Variants in CNTN5 observed in about 807,000 individuals in gnomAD.
CNTN5 encodes contactin-5.
Under a neutral mutation model 129.1 loss-of-function variants are expected in CNTN5, and 77 were observed. The observed-to-expected ratio is 0.60, with a 90% confidence interval of 0.50 to 0.72. The LOEUF is 0.72. CNTN5 is among the 30% of genes least tolerant of loss of function. CNTN5 has a pLI of 0.00. For missense variants in CNTN5, 1,478 were observed against 1,328.8 expected (o/e 1.11, Z -1.75); for synonymous variants, 509 against 465.6 (o/e 1.09, Z -1.20).
chr11:99,528,789 C>T lies in CNTN5; in HGVS notation c.-70-27356C>T, dbSNP rs182550963. On this transcript the variant is annotated intron_variant, in intron 2 of 24. Coordinates refer to ENST00000524871, the MANE Select transcript of CNTN5 (RefSeq NM_014361.4). The stretch of plus-strand genomic sequence containing the variant: ...CCAGGTGCCTATGGCTCAGGCCGGG[C>T]GTAGTGGCTCATGCCTGTAATCCCA... Among the ~76,000 whole-genome samples the T allele has an allele frequency of 5.6e-3, 858 of 152,140 alleles. 43 individuals are homozygous for T. Among genetic ancestry groups the T allele is most frequent in the Admixed American group, 0.054 (829 of 15,282 alleles).
In CNTN5 at chr11:99,167,259, C is replaced by T. The variant is rs946817687; in HGVS notation, c.-210+145989C>T. The stretch of plus-strand genomic sequence containing the variant: ...TTTGTTAGACTTGATAAAATTCCTA[C>T]AAACTGACTCATAATTTAGTGTTAA... On this transcript the variant is annotated intron_variant, in intron 1 of 24. Coordinates refer to ENST00000524871, the MANE Select transcript of CNTN5 (RefSeq NM_014361.4). 2.0e-5 allele frequency among the ~76,000 whole-genome samples: 3 copies of T among 152,004 alleles called. 1 individual carries two copies. The highest frequency in any genetic ancestry group is 4.8e-5 in the African/African-American group (2 of 41,412).
chr11:99,320,459 C>T (rs528129250), intron 1 of CNTN5, among the ~76,000 whole-genome samples: 4 of 152,030 alleles, frequency 2.6e-5, no homozygotes, highest in African/African-American at 9.7e-5. Flanking sequence ...AAAAAAGAGA[C>T]ATAAATTTGG....
At chr11:99,355,157 T>C (rs970334912) in intron 2 of CNTN5, among the ~76,000 whole-genome samples, 20 of 152,192 alleles carry the variant, frequency 1.3e-4, no homozygotes, top group African/African-American at 4.8e-4. Flanking sequence ...TACTTTCCAT[T>C]GATTGTAACA....
At chr11:99,763,599 G>A (rs1425699920) in intron 3 of CNTN5, among the ~76,000 whole-genome samples, 1 of 152,042 alleles carries the variant, frequency 6.6e-6, no homozygotes, top group East Asian at 1.9e-4. Context: ...TTAAATGCGT[G>A]TAGTCAAAAA....
chr11:99,836,197 G>C (rs939874421), intron 4 of CNTN5, among the ~76,000 whole-genome samples: 7 of 150,298 alleles, frequency 4.7e-5, no homozygotes, highest in African/African-American at 1.7e-4. Flanking sequence ...GCAACGTGCA[G>C]GTTTGTTACA....
chr11:99,599,557 C>T (rs1248682859), intron 3 of CNTN5, among the ~76,000 whole-genome samples: 1 of 152,068 alleles, frequency 6.6e-6, no homozygotes. Context: ...GATGTTATTA[C>T]ATTATGTATT....
intron 1 of CNTN5, among the ~76,000 whole-genome samples, chr11:99,198,426 A>G (rs984806195): frequency 5.9e-5 from 9 of 152,152 alleles, no homozygotes; most frequent in African/African-American, 2.2e-4. Context: ...GTTGCAGGCA[A>G]GTTAGATGGG....
rs369815114 is a variant in CNTN5, at chr11:99,685,564, ATCT to A, written c.55+129300_55+129302del. Among the ~76,000 whole-genome samples the A allele has an allele frequency of 1.8e-4, 28 of 151,940 alleles. No homozygotes were observed. In the South Asian group the frequency reaches 5.6e-3, roughly 30 times the overall value. On this transcript the variant is annotated intron_variant, in intron 3 of 24. Transcript: ENST00000524871. ...ATAAACACTAATTTAAAATTATTTTATCTTCTTGTTTAACAGTTGTCTAATAAA... is the reference window on the plus strand; with the variant it reads ...ATAAACACTAATTTAAAATTATTTTATCTTGTTTAACAGTTGTCTAATAAA...
chr11:99,160,270 C>T (rs189800688), intron 1 of CNTN5, among the ~76,000 whole-genome samples: 12 of 152,232 alleles, frequency 7.9e-5, no homozygotes, highest in Non-Finnish European at 1.5e-4. Flanking sequence ...ATATAGTTAG[C>T]TCATTGCTTA....
chr11:99,447,184 A>C (rs887984753), intron 2 of CNTN5, among the ~76,000 whole-genome samples: 2 of 152,196 alleles, frequency 1.3e-5, no homozygotes, highest in African/African-American at 4.8e-5. Context: ...AAAAAGTGAT[A>C]ATTATATCTA....
intron 1 of CNTN5, among the ~76,000 whole-genome samples, chr11:99,062,170 G>A (rs945950461): frequency 1.3e-5 from 2 of 152,112 alleles, no homozygotes; most frequent in Non-Finnish European, 2.9e-5. Context: ...ATGAGACCAT[G>A]AACCAGATTC....
chr11:99,647,550 A>C (rs139124992), intron 3 of CNTN5, among the ~76,000 whole-genome samples: 1 of 151,412 alleles, frequency 6.6e-6, no homozygotes, highest in African/African-American at 2.4e-5. Context: ...ACAAACGTTA[A>C]TTTTTTTCTA....
At chr11:99,181,822 C>T (rs928896082) in intron 1 of CNTN5, among the ~76,000 whole-genome samples, 10 of 152,158 alleles carry the variant, frequency 6.6e-5, no homozygotes, top group Non-Finnish European at 8.8e-5. Flanking sequence ...CTGAATTCTC[C>T]GGTTCTGTAT....
intron 3 of CNTN5, among the ~76,000 whole-genome samples, chr11:99,582,657 C>G (rs1042874090): frequency 6.6e-6 from 1 of 152,332 alleles, no homozygotes; most frequent in South Asian, 2.1e-4. Context: ...AGTTCTCATG[C>G]CATGCTTTTC....
chr11:99,643,049 A>G (rs1167075926), intron 3 of CNTN5, among the ~76,000 whole-genome samples: 1 of 152,204 alleles, frequency 6.6e-6, no homozygotes, highest in African/African-American at 2.4e-5. Flanking sequence ...TGAATAGTAC[A>G]GCAATAACAC....
rs34435537 is a variant in CNTN5, at chr11:99,665,478, A to ATTTT, written c.55+109231_55+109234dup. Among the ~76,000 whole-genome samples, 16 of 65,948 alleles carry ATTTT rather than the reference A, an allele frequency of 2.4e-4. 1 individual carries two copies. The highest frequency in any genetic ancestry group is 1.4e-3 in the East Asian group (3 of 2,172). The allele number at this position is 65,948 out of a possible 152,430, so 43.3% of individuals were successfully genotyped here. On this transcript the variant is annotated intron_variant, in intron 3 of 24. Transcript: ENST00000524871. ...TTATTACGGGAGCATTGAAACTACAATTTTTTTTTTTTTTTTTTTTTTTTT... is the reference window on the plus strand; with the variant it reads ...TTATTACGGGAGCATTGAAACTACAATTTTTTTTTTTTTTTTTTTTTTTTTTTTT...
intron 3 of CNTN5, among the ~76,000 whole-genome samples, chr11:99,814,657 T>G (rs1281103172): frequency 1.3e-5 from 2 of 152,104 alleles, no homozygotes; most frequent in African/African-American, 2.4e-5. Flanking sequence ...TTATGAACTT[T>G]AACCTGGAAA....
At chr11:99,731,994 G>C (rs566840276) in intron 3 of CNTN5, among the ~76,000 whole-genome samples, 31 of 152,312 alleles carry the variant, frequency 2.0e-4, no homozygotes, top group Admixed American at 1.6e-3. Flanking sequence ...GCCCATTTGA[G>C]ATTAGAATCA....
Position 99,635,382 on chromosome 11 carries a change from A to C in CNTN5, c.55+79113A>C, listed in dbSNP as rs1429974757. On this transcript the variant is annotated intron_variant, in intron 3 of 24. Coordinates refer to ENST00000524871, the MANE Select transcript of CNTN5 (RefSeq NM_014361.4). ...ATGAGGAAAATGTTAACAAAATTTCACAGTTCCTTTAAAATTAGAGATTAC... is the reference window on the plus strand; with the variant it reads ...ATGAGGAAAATGTTAACAAAATTTCCCAGTTCCTTTAAAATTAGAGATTAC... 2.0e-5 allele frequency among the ~76,000 whole-genome samples: 3 copies of C among 152,196 alleles called. No individual in the cohort carries two copies. In the East Asian group the frequency reaches 5.8e-4, roughly 29 times the overall value.
Sources: allele counts gnomAD v4.1 joint callset (sites outside exome capture counted in the v4.1 genomes callset), GRCh38; gene constraint gnomAD v4.1.1; transcripts MANE v1.5; gene names NCBI Gene and HGNC (gene_info 2026-07-23, HGNC 2026-07-21).